The following LGSN variants were observed in gnomAD, a reference collection of about 807,000 sequenced individuals.
The protein encoded by LGSN is lengsin.
Under a neutral mutation model 19.5 loss-of-function variants are expected in LGSN, and 21 were observed. The observed-to-expected ratio is 1.07, with a 90% CI of 0.76 to 1.55. The LOEUF is 1.55. Ranked by LOEUF, LGSN falls within the 40% of genes most tolerant of loss-of-function variation. The pLI is 0.00. For missense variants in LGSN, 673 were observed against 608.5 expected (o/e 1.11, Z -1.12); for synonymous variants, 257 against 215.6 (o/e 1.19, Z -1.68).
upstream of LGSN, among the ~76,000 whole-genome samples, chr6:63,323,236 C>T (rs761177433): frequency 7.9e-5 from 12 of 151,702 alleles, no homozygotes; most frequent in Non-Finnish European, 1.8e-4. Context: ...GAGAGTGCCA[C>T]AGAATACATT....
chr6:63,536,794 A>C, the LGSN span, among the ~76,000 whole-genome samples: 1 of 152,144 alleles, frequency 6.6e-6, no homozygotes, highest in Non-Finnish European at 1.5e-5. Flanking sequence ...TTATTTATGT[A>C]AATAATGATA....
the LGSN span, among the ~76,000 whole-genome samples, chr6:63,352,541 G>A: frequency 6.6e-6 from 1 of 151,856 alleles, no homozygotes; most frequent in Non-Finnish European, 1.5e-5. Context: ...CATGCCTGTG[G>A]TCCCAGCTAC....
the LGSN span, among the ~76,000 whole-genome samples, chr6:63,341,789 A>C: frequency 6.6e-6 from 1 of 151,874 alleles, no homozygotes; most frequent in East Asian, 1.9e-4. Flanking sequence ...TTGGAAGAAA[A>C]CCCTATCTTG....
chr6:63,323,447 A>G (rs1396969730), upstream of LGSN, among the ~76,000 whole-genome samples: 1 of 151,886 alleles, frequency 6.6e-6, no homozygotes, highest in African/African-American at 2.4e-5. Context: ...TTATAACACC[A>G]TTAATTTTAA....
chr6:63,458,626 G>A, the LGSN span, among the ~76,000 whole-genome samples: 4 of 152,212 alleles, frequency 2.6e-5, no homozygotes, highest in East Asian at 1.9e-4. Flanking sequence ...AAACATTCTC[G>A]GTCTTGGTTT....
At chr6:63,325,727 G>T in the LGSN span, among the ~76,000 whole-genome samples, 1 of 152,066 alleles carries the variant, frequency 6.6e-6, no homozygotes. Flanking sequence ...AGATGTGTTC[G>T]GAGTTTCTTC....
the LGSN span, among the ~76,000 whole-genome samples, chr6:63,414,544 T>C: frequency 2.6e-5 from 4 of 152,362 alleles, no homozygotes; most frequent in East Asian, 5.8e-4. Flanking sequence ...ATTACCAGTG[T>C]TTGCATATGC....
At chr6:63,361,811 C>A in the LGSN span, among the ~76,000 whole-genome samples, 1 of 152,042 alleles carries the variant, frequency 6.6e-6, no homozygotes, top group Non-Finnish European at 1.5e-5. Context: ...CCCTACAACC[C>A]TAGATTTTTA....
At chr6:63,341,342 A>G in the LGSN span, among the ~76,000 whole-genome samples, 5 of 152,178 alleles carry the variant, frequency 3.3e-5, no homozygotes, top group Admixed American at 6.5e-5. Flanking sequence ...AAGCCTTCAA[A>G]CAACATGTGT....
At chr6:63,478,632 A>G in the LGSN span, among the ~76,000 whole-genome samples, 1 of 152,074 alleles carries the variant, frequency 6.6e-6, no homozygotes, top group African/African-American at 2.4e-5. Context: ...CTGCCTCACC[A>G]CCCCCATGTA....
chr6:63,395,662 A>C, the LGSN span: 6 of 153,308 alleles, frequency 3.9e-5, no homozygotes, highest in Non-Finnish European at 8.7e-5. Context: ...CAGTGACTGG[A>C]GGTGAGTGTG....
At chr6:63,341,211 C>T in the LGSN span, among the ~76,000 whole-genome samples, 1 of 152,074 alleles carries the variant, frequency 6.6e-6, no homozygotes, top group Non-Finnish European at 1.5e-5. Context: ...ATCCTCAGGC[C>T]CCTAGATGGC....
At chr6:63,552,037 T>C in the LGSN span, among the ~76,000 whole-genome samples, 1 of 152,226 alleles carries the variant, frequency 6.6e-6, no homozygotes, top group African/African-American at 2.4e-5. Flanking sequence ...GCATGATTTA[T>C]AATCCTTTGG....
the LGSN span, among the ~76,000 whole-genome samples, chr6:63,492,900 A>G: frequency 6.6e-6 from 1 of 152,312 alleles, no homozygotes; most frequent in East Asian, 1.9e-4. Context: ...GGCTTACAGG[A>G]TTCTGTCTCA....
At chr6:63,433,111 C>T in the LGSN span, among the ~76,000 whole-genome samples, 13 of 152,016 alleles carry the variant, frequency 8.6e-5, no homozygotes, top group Non-Finnish European at 1.5e-4. Context: ...AATCCAAACA[C>T]CCCCATGTAT....
At chr6:63,358,547 C>T in the LGSN span, among the ~76,000 whole-genome samples, 1 of 152,114 alleles carries the variant, frequency 6.6e-6, no homozygotes, top group African/African-American at 2.4e-5. Context: ...AGGTCCTTCA[C>T]ATCCCTTGTA....
the LGSN span, among the ~76,000 whole-genome samples, chr6:63,433,260 CA>C: frequency 6.6e-6 from 1 of 152,162 alleles, no homozygotes; most frequent in Non-Finnish European, 1.5e-5. Context: ...CAGGATAATA[CA>C]AATAGAGTAA....
At chr6:63,465,425 G>A in the LGSN span, among the ~76,000 whole-genome samples, 2 of 151,928 alleles carry the variant, frequency 1.3e-5, no homozygotes, top group South Asian at 2.1e-4. Context: ...CAAGTGATAC[G>A]CCCACCCTGG....
At chr6:63,482,165 T>G in the LGSN span, among the ~76,000 whole-genome samples, 3 of 152,134 alleles carry the variant, frequency 2.0e-5, no homozygotes, top group South Asian at 6.2e-4. Flanking sequence ...TTTATTTAAA[T>G]GTATATTTTC....
Sources: allele counts gnomAD v4.1 joint callset (sites outside exome capture counted in the v4.1 genomes callset), GRCh38; gene constraint gnomAD v4.1.1; transcripts MANE v1.5; gene names NCBI Gene and HGNC (gene_info 2026-07-23, HGNC 2026-07-21).